The following TAF3 variants were observed in gnomAD, a reference collection of about 807,000 sequenced individuals.
The protein encoded by TAF3 is TATA-box binding protein associated factor 3, also known as transcription initiation factor TFIID subunit 3.
A neutral mutation model predicts 80.6 loss-of-function variants in TAF3; 7 were observed. The observed-to-expected ratio is 0.09, with a 90% CI of 0.05 to 0.16. The LOEUF (loss-of-function observed/expected upper bound fraction) is 0.16. Ranked by LOEUF, TAF3 falls within the 10% of genes least tolerant of loss-of-function variation. The pLI is 1.00. For synonymous variants in TAF3, 444 were observed against 446.1 expected (o/e 1.00, Z 0.06); for missense variants, 921 against 1,140.2 (o/e 0.81, Z 2.77).
intron 2 of TAF3, among the ~76,000 whole-genome samples, chr10:7,914,806 G>A (rs777560957): frequency 1.3e-5 from 2 of 152,018 alleles, no homozygotes; most frequent in African/African-American, 2.4e-5. Context: ...CATTAGTCTT[G>A]CAGGTAGAGT....
At chr10:7,833,871 A>G in intron 2 of TAF3, 1 of 833,844 alleles carries the variant, frequency 1.2e-6, no homozygotes, top group Non-Finnish European at 1.6e-6. Flanking sequence ...GGGGAAGAGG[A>G]TGAGTTTGGA....
At chr10:7,867,406 T>G (rs935892972) in intron 2 of TAF3, among the ~76,000 whole-genome samples, 1 of 152,234 alleles carries the variant, frequency 6.6e-6, no homozygotes, top group Non-Finnish European at 1.5e-5. Context: ...GATGCTGAGA[T>G]TTTAGGAAAC....
At chr10:7,882,675 A>C (rs1206147642) in intron 2 of TAF3, among the ~76,000 whole-genome samples, 1 of 152,224 alleles carries the variant, frequency 6.6e-6, no homozygotes, top group Non-Finnish European at 1.5e-5. Context: ...ATCAGAAGGC[A>C]GTGAGCAGTA....
At chr10:7,966,746 C>G (rs535766381) in intron 3 of TAF3, among the ~76,000 whole-genome samples, 1 of 152,016 alleles carries the variant, frequency 6.6e-6, no homozygotes, top group Admixed American at 6.6e-5. Flanking sequence ...CCAATAAATT[C>G]GGAGTATTTT....
At chr10:7,994,990 A>G (rs1164109075) in intron 4 of TAF3, among the ~76,000 whole-genome samples, 1 of 150,270 alleles carries the variant, frequency 6.7e-6, no homozygotes, top group Non-Finnish European at 1.5e-5. Flanking sequence ...AAAAAAAAAA[A>G]AAAAAGAAAA....
intron 2 of TAF3, among the ~76,000 whole-genome samples, chr10:7,872,320 C>T (rs1294924434): frequency 6.9e-6 from 1 of 145,106 alleles, no homozygotes; most frequent in African/African-American, 2.5e-5. Context: ...TAATTAAAAT[C>T]AGTTCCCTGT....
At chr10:7,988,195 C>G (rs1185974560) in intron 4 of TAF3, among the ~76,000 whole-genome samples, 1 of 152,078 alleles carries the variant, frequency 6.6e-6, no homozygotes, top group Non-Finnish European at 1.5e-5. Flanking sequence ...GGTAGGGTAG[C>G]TCATGCCTAT....
At chr10:7,976,564 G>A (rs547578389) in intron 3 of TAF3, among the ~76,000 whole-genome samples, 44 of 151,960 alleles carry the variant, frequency 2.9e-4, no homozygotes, top group Non-Finnish European at 5.1e-4. Context: ...ACAGGCGCCC[G>A]CCACCACGCC....
chr10:7,891,898 G>A (rs1837459917), intron 2 of TAF3, among the ~76,000 whole-genome samples: 1 of 152,158 alleles, frequency 6.6e-6, no homozygotes, highest in African/African-American at 2.4e-5. Context: ...TATAAATGGA[G>A]TATCTACTTT....
At chr10:7,928,360 C>T (rs1677906353) in intron 2 of TAF3, among the ~76,000 whole-genome samples, 1 of 152,110 alleles carries the variant, frequency 6.6e-6, no homozygotes, top group East Asian at 1.9e-4. Context: ...GCGGAATTAC[C>T]TTAATCCTGC....
At chr10:7,994,827 T>C (rs1415636153) in intron 4 of TAF3, among the ~76,000 whole-genome samples, 1 of 110,036 alleles carries the variant, frequency 9.1e-6, no homozygotes, top group Non-Finnish European at 1.9e-5. Flanking sequence ...AAAAAAAAAA[T>C]AGCTGGGTGT....
chr10:7,939,856 A>G (rs1837960881), intron 2 of TAF3, among the ~76,000 whole-genome samples: 1 of 152,328 alleles, frequency 6.6e-6, no homozygotes, highest in Admixed American at 6.5e-5. Context: ...ATAGCCAACT[A>G]AAAGGAGTCC....
At chr10:7,938,848 G>A (rs1010601491) in intron 2 of TAF3, among the ~76,000 whole-genome samples, 1 of 152,226 alleles carries the variant, frequency 6.6e-6, no homozygotes, top group African/African-American at 2.4e-5. Flanking sequence ...GTTAAATCCT[G>A]AGGGAGCGGA....
intron 2 of TAF3, among the ~76,000 whole-genome samples, chr10:7,931,636 T>G (rs1837870083): frequency 6.6e-6 from 1 of 152,252 alleles, no homozygotes; most frequent in Admixed American, 6.5e-5. Flanking sequence ...GAGTCTTAAA[T>G]GGATTTCTTA....
At position 7,858,836 on chromosome 10, in the gene TAF3, C is replaced by CGCG. The variant is rs34431935; in HGVS notation, c.409+34276_409+34277insGCG. The stretch of plus-strand genomic sequence containing the variant: ...TGTGTGTGTGTGTGTGTGCGCGCGC[C>CGCG]TGCATGTCACTGAATGTACGTGTGA... On this transcript the variant is annotated intron_variant, in intron 2 of 6. Coordinates refer to ENST00000344293, the MANE Select transcript of TAF3 (RefSeq NM_031923.4). 4.4e-3 allele frequency among the ~76,000 whole-genome samples: 666 copies of CGCG among 150,418 alleles called. 4 individuals are homozygous for CGCG. Among genetic ancestry groups the CGCG allele is most frequent in the African/African-American group, 0.014 (579 of 40,794 alleles).
At chr10:7,840,155 G>GT (rs1468032585) in intron 2 of TAF3, among the ~76,000 whole-genome samples, 1 of 144,578 alleles carries the variant, frequency 6.9e-6, no homozygotes, top group African/African-American at 2.5e-5. Flanking sequence ...AGGAAAATGA[G>GT]TGTTTTTTTT....
At chr10:7,840,581 C>T (rs1362498070) in intron 2 of TAF3, among the ~76,000 whole-genome samples, 2 of 149,120 alleles carry the variant, frequency 1.3e-5, no homozygotes, top group Admixed American at 1.3e-4. Flanking sequence ...AGAAATTTAA[C>T]ATTTCTTTAT....
chr10:7,898,005 C>T (rs1837521864), intron 2 of TAF3, among the ~76,000 whole-genome samples: 1 of 152,078 alleles, frequency 6.6e-6, no homozygotes, highest in Non-Finnish European at 1.5e-5. Context: ...TGTTGAATCT[C>T]TTGAACTTTT....
chr10:7,918,666 G>C (rs980702723), intron 2 of TAF3, among the ~76,000 whole-genome samples: 1 of 152,136 alleles, frequency 6.6e-6, no homozygotes, highest in Non-Finnish European at 1.5e-5. Context: ...TGGGACCTCC[G>C]ACCCAGGCAC....
Sources: gnomAD v4.1 joint callset for allele counts (sites outside exome capture counted in the v4.1 genomes callset) on GRCh38, gnomAD v4.1.1 for gene constraint, MANE v1.5 for transcripts, NCBI Gene and HGNC (gene_info 2026-07-23, HGNC 2026-07-21) for gene names.